Variants in TRHR observed in about 807,000 individuals in gnomAD.
The protein encoded by TRHR is thyrotropin releasing hormone receptor, also known as thyrotropin-releasing hormone receptor.
Under a neutral mutation model 28.0 loss-of-function variants are expected in TRHR, and 14 were observed. The observed-to-expected ratio is 0.50, with a 90% CI of 0.33 to 0.78. TRHR has a LOEUF of 0.78. Among genes scored for constraint, TRHR ranks in the 30% least tolerant of loss-of-function variants. The pLI is 0.02. For synonymous variants in TRHR, 176 were observed against 171.9 expected, an observed-to-expected ratio of 1.02 and a Z score of -0.18; for missense variants, 438 against 469.5, an observed-to-expected ratio of 0.93 and a Z score of 0.62.
intron 2 of TRHR, among the ~76,000 whole-genome samples, chr8:109,108,724 G>A (rs1811787042): frequency 6.6e-6 from 1 of 152,128 alleles, no homozygotes; most frequent in Admixed American, 6.6e-5. Flanking sequence ...TTTCCAGCAT[G>A]GCTCATAAAA....
chr8:109,099,997 A>G (rs1811651567), intron 2 of TRHR, among the ~76,000 whole-genome samples: 1 of 152,172 alleles, frequency 6.6e-6, no homozygotes, highest in African/African-American at 2.4e-5. Context: ...GAGAGAGGAC[A>G]GAGGCAGGGT....
intron 2 of TRHR, among the ~76,000 whole-genome samples, chr8:109,094,619 C>T (rs1811562205): frequency 6.6e-6 from 1 of 151,764 alleles, no homozygotes; most frequent in South Asian, 2.1e-4. Flanking sequence ...TGTACATATC[C>T]TATAAGTTGA....
chr8:109,089,811 A>G (rs1157301046), intron 2 of TRHR, among the ~76,000 whole-genome samples: 1 of 152,214 alleles, frequency 6.6e-6, no homozygotes, highest in African/African-American at 2.4e-5. Context: ...GACACCAAAC[A>G]TGGGTTAATG....
rs1811975626 is a variant in TRHR, at chr8:109,119,572, A to G, written c.*117A>G. On this transcript the variant is annotated 3_prime_UTR_variant, in exon 3 of 3. Coordinates refer to ENST00000518632, the MANE Select transcript of TRHR (RefSeq NM_003301.7). ...AGACAGAGCAGATCAGTCTTTGTCA[A>G]TGCTCTAACAAATTCTGGCCCTAGA... 8.0e-7 allele frequency: 1 copy of G among 1,252,394 alleles called. No homozygotes were observed. 77.6% of individuals were successfully genotyped at this position (1,252,394 alleles called of 1,614,324 possible). A position where few individuals can be genotyped will look rare whatever the true frequency, so the allele number is the denominator to read the frequency against.
chr8:109,095,664 C>A (rs1811578107), intron 2 of TRHR, among the ~76,000 whole-genome samples: 1 of 152,194 alleles, frequency 6.6e-6, no homozygotes, highest in Middle Eastern at 3.2e-3. Flanking sequence ...CTGACCCATA[C>A]ATACAATTGC....
chr8:109,121,082 C>T lies in TRHR; in HGVS notation c.*1627C>T, dbSNP rs1586199093. On this transcript the variant is annotated 3_prime_UTR_variant, in exon 3 of 3. Transcript: ENST00000518632. Reference sequence around the variant, plus strand: ...ATCCAGAACCTCATTCTAGAGTGCGCTTTTTTTTTTTTGAAAATTGGCCTT... The same window carrying T: ...ATCCAGAACCTCATTCTAGAGTGCGTTTTTTTTTTTTTGAAAATTGGCCTT... Among the ~76,000 whole-genome samples the T allele has an allele frequency of 1.4e-5, 2 of 144,318 alleles. No individual in the cohort carries two copies. Among genetic ancestry groups the T allele is most frequent in the South Asian group, 2.2e-4 (1 of 4,592 alleles). The allele number at this position is 144,318 out of a possible 152,430, so 94.7% of individuals were successfully genotyped here.
In TRHR at chr8:109,116,756, G is replaced by C. The variant is rs1193302396; in HGVS notation, c.790-2292G>C. Among the ~76,000 whole-genome samples, 3 of 151,848 alleles carry C rather than the reference G, an allele frequency of 2.0e-5. No homozygotes were observed. In the East Asian group the frequency reaches 5.8e-4, roughly 29 times the overall value. On this transcript the variant is annotated intron_variant, in intron 2 of 2. Coordinates refer to ENST00000518632, the MANE Select transcript of TRHR (RefSeq NM_003301.7). ...TCCTTCCATGCCTGAATGTATTCAA[G>C]TTTTTTCTTAGGGCCACTTTATGTC... is the stretch of plus-strand genomic sequence containing the variant.
chr8:109,102,184 G>A (rs568309458), intron 2 of TRHR, among the ~76,000 whole-genome samples: 224 of 152,224 alleles, frequency 1.5e-3, no homozygotes, highest in Non-Finnish European at 2.4e-3. Context: ...GATTATGAGA[G>A]AGAACAGTAA....
At chr8:109,112,379 C>T (rs1269323421) in intron 2 of TRHR, among the ~76,000 whole-genome samples, 1 of 152,162 alleles carries the variant, frequency 6.6e-6, no homozygotes, top group Non-Finnish European at 1.5e-5. Flanking sequence ...AAGCTAATCT[C>T]TGACAAATAA....
rs1390938474 is a variant in TRHR at position 109,120,868 on chromosome 8, G to C, written c.*1413G>C. On this transcript the variant is annotated 3_prime_UTR_variant, in exon 3 of 3. Coordinates refer to ENST00000518632, the MANE Select transcript of TRHR (RefSeq NM_003301.7). ...AGTAGTCATTGATTTTTAATGAGTAGATCAAAAAAGTACCCATACCTTTAC... is the reference window on the plus strand; with the variant it reads ...AGTAGTCATTGATTTTTAATGAGTACATCAAAAAAGTACCCATACCTTTAC... Among the ~76,000 whole-genome samples, 2 of 151,444 alleles carry C rather than the reference G, an allele frequency of 1.3e-5. No individual in the cohort carries two copies. Among genetic ancestry groups the C allele is most frequent in the Non-Finnish European group, 3.0e-5 (2 of 67,702 alleles).
At chr8:109,111,725 C>T (rs765275928) in intron 2 of TRHR, among the ~76,000 whole-genome samples, 2 of 152,100 alleles carry the variant, frequency 1.3e-5, no homozygotes, top group Non-Finnish European at 2.9e-5. Context: ...ATGTGTCAGG[C>T]ATATGTACTA....
At chr8:109,118,367 C>G (rs533671686) in intron 2 of TRHR, among the ~76,000 whole-genome samples, 65 of 151,942 alleles carry the variant, frequency 4.3e-4, no homozygotes, top group Non-Finnish European at 1.0e-4. Context: ...TGCACTGTTA[C>G]CTCATTTGAT....
chr8:109,103,532 C>G (rs1287606991), intron 2 of TRHR, among the ~76,000 whole-genome samples: 2 of 152,216 alleles, frequency 1.3e-5, no homozygotes, highest in Non-Finnish European at 2.9e-5. Context: ...TGTGCCTCAA[C>G]AAAACCATCA....
intron 2 of TRHR, 93 bp from the exon 3 acceptor site, chr8:109,118,955 T>G: frequency 1.3e-6 from 2 of 1,508,466 alleles, no homozygotes; most frequent in Non-Finnish European, 1.8e-6. Context: ...TCAGACTACA[T>G]TTTGGGAACT....
Position 109,120,642 on chromosome 8 carries a change from C to G in TRHR, c.*1187C>G, listed in dbSNP as rs147164259. Among the ~76,000 whole-genome samples, 36 of 151,890 alleles carry G rather than the reference C, an allele frequency of 2.4e-4. No homozygotes were observed. In the East Asian group the frequency reaches 6.8e-3, roughly 29 times the overall value. On this transcript the variant is annotated 3_prime_UTR_variant, in exon 3 of 3. Coordinates refer to ENST00000518632, the MANE Select transcript of TRHR (RefSeq NM_003301.7). ...TGCAAAATTCTGTTGGCTTTATTTT[C>G]AGCAGAGTTAAAACTGATTTCATCA...
At position 109,119,405 on chromosome 8, in the gene TRHR, T is replaced by A. The variant is rs1811971158; in HGVS notation, c.1147T>A (p.Ser383Thr). Reference sequence around the variant, plus strand: ...CACTTACCTGTCTGCCACAAAAGTGTCTTTTGATGACACCTGCTTGGCTTC... The same window carrying A: ...CACTTACCTGTCTGCCACAAAAGTGACTTTTGATGACACCTGCTTGGCTTC... The part of the protein sequence containing the change: ...TDTYLSATKV[S>T]FDDTCLASEV... Residue 383 changes from serine (S) to threonine (T), a missense_variant, in exon 3 of 3, where the codon TCT (serine) becomes ACT (threonine). By Grantham distance (58) the Ser-to-Thr change is moderately conservative (BLOSUM62 1). Transcript: ENST00000518632. The A allele has an allele frequency of 1.2e-6, 2 of 1,612,230 alleles. No homozygotes were observed. Among genetic ancestry groups the A allele is most frequent in the Non-Finnish European group, 1.7e-6 (2 of 1,178,928 alleles).
At chr8:109,097,593 C>T (rs1811613705) in intron 2 of TRHR, among the ~76,000 whole-genome samples, 1 of 152,166 alleles carries the variant, frequency 6.6e-6, no homozygotes, top group Admixed American at 6.5e-5. Flanking sequence ...GTGGTACTTA[C>T]TGTGCATAAG....
intron 2 of TRHR, among the ~76,000 whole-genome samples, chr8:109,107,285 G>A (rs1811766089): frequency 6.6e-6 from 1 of 152,098 alleles, no homozygotes; most frequent in Non-Finnish European, 1.5e-5. Flanking sequence ...TTAAATTATG[G>A]AAAATTAGCT....
intron 2 of TRHR, among the ~76,000 whole-genome samples, chr8:109,088,771 C>T (rs1365035256): frequency 6.6e-6 from 1 of 152,164 alleles, no homozygotes; most frequent in Non-Finnish European, 1.5e-5. Context: ...TCTATGGTTA[C>T]TCACAATGGA....
Sources: gnomAD v4.1 joint callset for allele counts (sites outside exome capture counted in the v4.1 genomes callset) on GRCh38, gnomAD v4.1.1 for gene constraint, MANE v1.5 for transcripts, NCBI Gene and HGNC (gene_info 2026-07-23, HGNC 2026-07-21) for gene names.